Variants in DHCR7 observed in about 807,000 individuals in gnomAD.
The protein encoded by DHCR7 is 7-DHC reductase.
DHCR7 carries 40 observed loss-of-function variants against 43.3 expected under a neutral mutation model. The ratio of observed to expected loss-of-function variants is 0.92; its 90% CI spans 0.72 to 1.20. The LOEUF (loss-of-function observed/expected upper bound fraction) is 1.20. DHCR7 is among the 50% of genes most tolerant of loss of function. The probability of loss-of-function intolerance (pLI) is 0.00; values close to 1 mark genes in which losing one functional copy is unlikely to be tolerated. For synonymous variants in DHCR7, 298 were observed against 271.4 expected (o/e 1.10, Z -0.96); for missense variants, 608 against 644.6 (o/e 0.94, Z 0.62).
chr11:71,443,028 T>C (rs1949365124), intron 4 of DHCR7, among the ~76,000 whole-genome samples: 1 of 152,220 alleles, frequency 6.6e-6, no homozygotes, highest in Non-Finnish European at 1.5e-5. Flanking sequence ...GTACTGGGTA[T>C]TGCATATAAA....
rs764798863 is a variant in DHCR7 at position 71,443,982 on chromosome 11, G to A, written c.321+11C>T. The A allele has an allele frequency of 1.9e-6, 3 of 1,606,398 alleles. No homozygotes were observed. In the Admixed American group the frequency reaches 5.1e-5, roughly 27 times the overall value. The stretch of plus-strand genomic sequence containing the variant: ...CTGCTGTGTCCCAACCCCAGGGCAG[G>A]GGCTGCTGACCTGGAAGGTGACCCA... On this transcript the variant is annotated intron_variant, in intron 4 of 8. Transcript: ENST00000355527.
rs140748737 is a variant in DHCR7 at position 71,444,219 on chromosome 11, C to T, written c.99-4G>A. 0.012 allele frequency: 18,231 copies of T among 1,575,646 alleles called. 141 individuals carry two copies. Among genetic ancestry groups the T allele is most frequent in the Non-Finnish European group, 0.013 (15,162 of 1,159,482 alleles). ...CAGTGAAAACCAGTCCACCTCCCTG[C>T]GAGGACGGATGCAGGCAGTCACACT... On this transcript the variant is annotated splice_polypyrimidine_tract_variant and splice_region_variant and intron_variant, in intron 3 of 8. Transcript: ENST00000355527.
chr11:71,447,117 C>T (rs1419907035), intron 2 of DHCR7, among the ~76,000 whole-genome samples: 1 of 152,238 alleles, frequency 6.6e-6, no homozygotes, highest in Non-Finnish European at 1.5e-5. Context: ...AGACCACCCA[C>T]ATGCACACTT....
intron 8 of DHCR7, 190 bp from the exon 9 acceptor site, chr11:71,436,029 T>G: frequency 1.6e-6 from 1 of 623,634 alleles, no homozygotes. Context: ...TGAGTAACTC[T>G]ACCTGCCTTC....
chr11:71,441,203 C>T (rs1565587886), intron 6 of DHCR7, 24 bp downstream of exon 6: 1 of 1,611,870 alleles, frequency 6.2e-7, no homozygotes, highest in Admixed American at 1.7e-5. Flanking sequence ...CTACATCAGG[C>T]TGGACCCGCT....
intron 8 of DHCR7, among the ~76,000 whole-genome samples, chr11:71,436,268 A>G (rs971817535): frequency 1.3e-5 from 2 of 152,226 alleles, no homozygotes; most frequent in African/African-American, 4.8e-5. Flanking sequence ...TCAACCAGGC[A>G]GAGTGGATGA....
intron 7 of DHCR7, 135 bp from the exon 8 acceptor site, chr11:71,438,078 G>A (rs749389030): frequency 4.7e-6 from 5 of 1,056,350 alleles, no homozygotes; most frequent in Non-Finnish European, 7.1e-6. Context: ...TGCTGGGGCT[G>A]TTCCTTCCCT....
intron 6 of DHCR7, among the ~76,000 whole-genome samples, chr11:71,440,876 A>G (rs1949341062): frequency 6.6e-6 from 1 of 152,126 alleles, no homozygotes; most frequent in Admixed American, 6.5e-5. Context: ...ACTCTTCACT[A>G]AGGTTGTTTT....
At chr11:71,444,776 G>C in intron 3 of DHCR7, 79 bp downstream of exon 3, 1 of 1,285,258 alleles carries the variant, frequency 7.8e-7, no homozygotes, top group Non-Finnish European at 1.1e-6. Flanking sequence ...CATTCCTTTG[G>C]GTCCATACAA....
chr11:71,446,683 G>T (rs1463528803), intron 2 of DHCR7, among the ~76,000 whole-genome samples: 1 of 152,230 alleles, frequency 6.6e-6, no homozygotes, highest in Non-Finnish European at 1.5e-5. Context: ...TTTCAACGAT[G>T]AAAGACATTT....
intron 8 of DHCR7, among the ~76,000 whole-genome samples, chr11:71,436,440 G>A (rs756760111): frequency 3.3e-5 from 5 of 152,194 alleles, no homozygotes; most frequent in Non-Finnish European, 5.9e-5. Flanking sequence ...CAAGGCGGGC[G>A]GATCACGAGA....
chr11:71,441,160 A>G lies in DHCR7; in HGVS notation c.626+67T>C, dbSNP rs77184167. ...GGCTTTACAACCACCTGCCCCAGGCAGCAAGAAAGGCCAGGGGTGAAGTTT... is the reference window on the plus strand; with the variant it reads ...GGCTTTACAACCACCTGCCCCAGGCGGCAAGAAAGGCCAGGGGTGAAGTTT... On this transcript the variant is annotated intron_variant, in intron 6 of 8. Coordinates refer to ENST00000355527, the MANE Select transcript of DHCR7 (RefSeq NM_001360.3). 953 of 1,463,302 alleles carry G rather than the reference A, an allele frequency of 6.5e-4. 7 individuals carry two copies. In the African/African-American group the frequency reaches 0.012, roughly 18 times the overall value. The allele number at this position is 1,463,302 out of a possible 1,614,324, so 90.6% of individuals were successfully genotyped here. A position where few individuals can be genotyped will look rare whatever the true frequency, so the allele number is the denominator to read the frequency against.
Position 71,434,599 on chromosome 11 carries a change from G to A in DHCR7, c.*776C>T, listed in dbSNP as rs1464350829. 1 of 156,976 alleles carries A rather than the reference G, an allele frequency of 6.4e-6. No individual in the cohort carries two copies. The highest frequency in any genetic ancestry group is 1.4e-5 in the Non-Finnish European group (1 of 71,004). 9.7% of individuals were successfully genotyped at this position (156,976 alleles called of 1,614,324 possible). A position where few individuals can be genotyped will look rare whatever the true frequency, so the allele number is the denominator to read the frequency against. ...GAGAAGGTGTGGGAGGCCCCTGAGGGTGAAGTTCCCCGGGTTGCTCGAGCC... is the reference window on the plus strand; with the variant it reads ...GAGAAGGTGTGGGAGGCCCCTGAGGATGAAGTTCCCCGGGTTGCTCGAGCC... On this transcript the variant is annotated 3_prime_UTR_variant, in exon 9 of 9. Coordinates refer to ENST00000355527, the MANE Select transcript of DHCR7 (RefSeq NM_001360.3).
chr11:71,429,327 T>C (rs966340934), intron 2 of DHCR7, among the ~76,000 whole-genome samples: 28 of 152,068 alleles, frequency 1.8e-4, no homozygotes, highest in African/African-American at 6.5e-4. Context: ...GAGAAGACCT[T>C]GGAAAGTTCT....
chr11:71,439,817 G>A (rs1949329624), intron 6 of DHCR7, among the ~76,000 whole-genome samples: 1 of 152,210 alleles, frequency 6.6e-6, no homozygotes, highest in Admixed American at 6.5e-5. Flanking sequence ...TGATTATAAG[G>A]TAGCGAGGAT....
At chr11:71,435,910 C>G (rs770554122) in intron 8 of DHCR7, 71 bp from the exon 9 acceptor site, 71 of 1,303,140 alleles carry the variant, frequency 5.4e-5, no homozygotes, top group Non-Finnish European at 7.0e-5. Context: ...GGCTCGGGGG[C>G]CCAGCGGCCT....
intron 4 of DHCR7, among the ~76,000 whole-genome samples, chr11:71,443,384 C>A (rs1338751550): frequency 6.6e-6 from 1 of 152,168 alleles, no homozygotes; most frequent in Non-Finnish European, 1.5e-5. Context: ...AAACCCAGGC[C>A]TGTCTCTTTC....
chr11:71,448,941 G>A (rs900821172), upstream of DHCR7: 1 of 152,556 alleles, frequency 6.6e-6, no homozygotes, highest in East Asian at 1.9e-4. Context: ...AAAGTGACCC[G>A]AGATGGAGTC....
Position 71,442,246 on chromosome 11 carries a change from G to A in DHCR7, c.412+17C>T, listed in dbSNP as rs773997218. ...ATGAGAACGGGAGCCTGGGGAGGGTGGAAGGGAGGAGGCTACCTGCAGGAG... is the reference window on the plus strand; with the variant it reads ...ATGAGAACGGGAGCCTGGGGAGGGTAGAAGGGAGGAGGCTACCTGCAGGAG... On this transcript the variant is annotated intron_variant, in intron 5 of 8. Transcript: ENST00000355527. 28 of 1,596,174 alleles carry A rather than the reference G, an allele frequency of 1.8e-5. No individual in the cohort carries two copies. Among genetic ancestry groups the A allele is most frequent in the Non-Finnish European group, 2.4e-5 (28 of 1,165,480 alleles).
Sources: gnomAD v4.1 joint callset for allele counts (sites outside exome capture counted in the v4.1 genomes callset) on GRCh38, gnomAD v4.1.1 for gene constraint, MANE v1.5 for transcripts, NCBI Gene and HGNC (gene_info 2026-07-23, HGNC 2026-07-21) for gene names.